GABRB3: variants seen among roughly 807,000 people sequenced by gnomAD.
GABRB3 encodes gamma-aminobutyric acid type A receptor subunit beta3.
GABRB3 carries 14 observed loss-of-function variants against 52.1 expected under a neutral mutation model. That is an observed-to-expected ratio of 0.27 (90% CI 0.18 to 0.42). The LOEUF (loss-of-function observed/expected upper bound fraction) is 0.42. Ranked by LOEUF, GABRB3 falls within the 10% of genes least tolerant of loss-of-function variation. GABRB3 has a pLI of 1.00. For missense variants in GABRB3, 307 were observed against 609.1 expected (o/e 0.50, Z 5.22); for synonymous variants, 260 against 232.3 (o/e 1.12, Z -1.08).
chr15:26,662,685 C>T (rs1186566853), intron 3 of GABRB3, among the ~76,000 whole-genome samples: 1 of 152,164 alleles, frequency 6.6e-6, no homozygotes, highest in East Asian at 1.9e-4. Context: ...AAGGCCCTCA[C>T]TTCTAATGCA....
intron 5 of GABRB3, 151 bp downstream of exon 5, chr15:26,583,181 G>A (rs1890850254): frequency 1.5e-6 from 1 of 655,940 alleles, no homozygotes; most frequent in Admixed American, 2.2e-5. Flanking sequence ...TTTATACTGA[G>A]TCTCTCTCTC....
chr15:26,565,711 C>T (rs1251357031), intron 7 of GABRB3, among the ~76,000 whole-genome samples: 1 of 152,126 alleles, frequency 6.6e-6, no homozygotes, highest in Non-Finnish European at 1.5e-5. Context: ...TCTGTAATGG[C>T]TGGGAAATTC....
At chr15:26,560,812 A>G in intron 8 of GABRB3, 120 bp downstream of exon 8, 2 of 1,439,132 alleles carry the variant, frequency 1.4e-6, no homozygotes, top group Admixed American at 3.4e-5. Flanking sequence ...TCACAAGTAC[A>G]AGAAGGGTGT....
chr15:26,756,765 T>G (rs1266564617), intron 3 of GABRB3, among the ~76,000 whole-genome samples: 1 of 152,186 alleles, frequency 6.6e-6, no homozygotes, highest in Non-Finnish European at 1.5e-5. Flanking sequence ...TGAAGGAGAA[T>G]GTCTGCCTCA....
chr15:26,548,105 T>C lies in GABRB3; in HGVS notation c.1110A>G (p.Thr370=), dbSNP rs200523834. ...RVDAHGNILL[T]SLEVHNEMNE... is the part of the protein sequence containing the mutation. ...TCATTTCATTGTGAACTTCCAGCGATGTCAACAGAATATTTCCATGAGCAT... is the reference window on the plus strand; with the variant it reads ...TCATTTCATTGTGAACTTCCAGCGACGTCAACAGAATATTTCCATGAGCAT... Residue 370 remains threonine, a synonymous_variant, in exon 9 of 9, where the codon ACA becomes ACG. Transcript: ENST00000311550. 2.2e-5 allele frequency: 35 copies of C among 1,614,172 alleles called. No homozygotes were observed. The Admixed American group carries it at 5.7e-4, about 26-fold the overall frequency.
At chr15:26,683,702 C>A (rs572482043) in intron 3 of GABRB3, among the ~76,000 whole-genome samples, 25 of 152,196 alleles carry the variant, frequency 1.6e-4, no homozygotes, top group Admixed American at 8.5e-4. Context: ...GGCTTTTCCA[C>A]CACATGCTCC....
chr15:26,557,162 A>C (rs1290060743), intron 8 of GABRB3, among the ~76,000 whole-genome samples: 1 of 152,196 alleles, frequency 6.6e-6, no homozygotes, highest in Non-Finnish European at 1.5e-5. Context: ...TCCTAAGGTA[A>C]CTAACACAGG....
intron 4 of GABRB3, chr15:26,590,077 A>G (rs997640483): frequency 1.2e-4 from 18 of 152,096 alleles, no homozygotes; most frequent in African/African-American, 4.3e-4. Flanking sequence ...CCCTATTTTT[A>G]TGGTCAAGTG....
intron 8 of GABRB3, among the ~76,000 whole-genome samples, chr15:26,552,045 TG>T (rs1305417237): frequency 6.6e-6 from 1 of 152,144 alleles, no homozygotes; most frequent in Non-Finnish European, 1.5e-5. Flanking sequence ...TCACTCTTGT[TG>T]CCCAGGCAGG....
intron 3 of GABRB3, among the ~76,000 whole-genome samples, chr15:26,736,343 CA>C (rs1266455162): frequency 6.6e-6 from 1 of 152,182 alleles, no homozygotes; most frequent in Admixed American, 6.5e-5. Flanking sequence ...TAGTATAAAG[CA>C]GACAAGAAAT....
At chr15:26,732,019 T>C (rs1385490227) in intron 3 of GABRB3, among the ~76,000 whole-genome samples, 1 of 150,358 alleles carries the variant, frequency 6.7e-6, no homozygotes, top group Non-Finnish European at 1.5e-5. Context: ...GGACAGATGG[T>C]TGGATGGATG....
At chr15:26,644,313 G>A (rs531706432) in intron 3 of GABRB3, among the ~76,000 whole-genome samples, 1 of 152,180 alleles carries the variant, frequency 6.6e-6, no homozygotes, top group Admixed American at 6.5e-5. Flanking sequence ...GACCTTATTT[G>A]GAGATGAAGT....
At chr15:26,609,324 T>C (rs1891975355) in intron 4 of GABRB3, among the ~76,000 whole-genome samples, 1 of 152,050 alleles carries the variant, frequency 6.6e-6, no homozygotes, top group African/African-American at 2.4e-5. Context: ...TTACAGAGAA[T>C]GGAGGATGGG....
intron 7 of GABRB3, among the ~76,000 whole-genome samples, chr15:26,561,593 G>A (rs2140681478): frequency 6.6e-6 from 1 of 152,352 alleles, no homozygotes; most frequent in Non-Finnish European, 1.5e-5. Context: ...AAACCTCCAG[G>A]AAAAAGAATG....
At chr15:26,581,374 G>A (rs1345957463) in intron 5 of GABRB3, among the ~76,000 whole-genome samples, 1 of 152,110 alleles carries the variant, frequency 6.6e-6, no homozygotes, top group Non-Finnish European at 1.5e-5. Flanking sequence ...CTGTAGGGTG[G>A]GGAAGAGTTG....
chr15:26,675,465 G>T (rs772998065), intron 3 of GABRB3, among the ~76,000 whole-genome samples: 1 of 152,160 alleles, frequency 6.6e-6, no homozygotes, highest in Non-Finnish European at 1.5e-5. Flanking sequence ...GTGAGTGTGT[G>T]TGCGTGTTGG....
chr15:26,606,772 A>ATCTATCGATAGATATATC lies in GABRB3; in HGVS notation c.461+14541_461+14542insGATATATCTATCGATAGA, dbSNP rs1566770499. Among the ~76,000 whole-genome samples the ATCTATCGATAGATATATC allele has an allele frequency of 4.2e-4, 34 of 81,772 alleles. 1 individual carries two copies. The highest frequency in any genetic ancestry group is 9.1e-4 in the South Asian group (2 of 2,190). The allele number at this position is 81,772 out of a possible 152,430, so 53.6% of individuals were successfully genotyped here. A position where few individuals can be genotyped will look rare whatever the true frequency, so the allele number is the denominator to read the frequency against. ...ATATCATACATATCTGTCTATCTATAGATAGATAGATATATCTATAGATAG... is the reference window on the plus strand; with the variant it reads ...ATATCATACATATCTGTCTATCTATATCTATCGATAGATATATCGATAGATAGATATATCTATAGATAG... On this transcript the variant is annotated intron_variant, in intron 4 of 8. Coordinates refer to ENST00000311550, the MANE Select transcript of GABRB3 (RefSeq NM_000814.6).
At chr15:26,731,286 A>G (rs1401979674) in intron 3 of GABRB3, among the ~76,000 whole-genome samples, 4 of 152,242 alleles carry the variant, frequency 2.6e-5, no homozygotes, top group African/African-American at 9.6e-5. Context: ...CATACTTACT[A>G]CAATGAGCAT....
rs1595440800 is a variant in GABRB3, at chr15:26,561,489, G to A, written c.836-313C>T. On this transcript the variant is annotated intron_variant, in intron 7 of 8. Transcript: ENST00000311550. ...ATTTTGAGAGTAGAAGAAGAGATAT[G>A]TAGAGCAGGAAAAAAGAATGTGGTT... Among the ~76,000 whole-genome samples, 4 of 139,788 alleles carry A rather than the reference G, an allele frequency of 2.9e-5. No homozygotes were observed. The South Asian group carries it at 9.3e-4, about 33-fold the overall frequency. The allele number at this position is 139,788 out of a possible 152,430, so 91.7% of individuals were successfully genotyped here.
Sources: allele counts gnomAD v4.1 joint callset (sites outside exome capture counted in the v4.1 genomes callset), GRCh38; gene constraint gnomAD v4.1.1; transcripts MANE v1.5; gene names NCBI Gene and HGNC (gene_info 2026-07-23, HGNC 2026-07-21).